MAF: variants seen among roughly 807,000 people sequenced by gnomAD.
MAF encodes the protein transcription factor Maf.
MAF carries 10 observed loss-of-function variants against 22.0 expected under a neutral mutation model. The ratio of observed to expected loss-of-function variants is 0.45; its 90% CI spans 0.28 to 0.77. MAF has a LOEUF of 0.77. MAF is among the 30% of genes least tolerant of loss of function. The pLI, the probability that MAF is intolerant of heterozygous loss-of-function variation, is 0.12. For synonymous variants in MAF, 337 were observed against 255.8 expected (o/e 1.32, Z -3.03); for missense variants, 544 against 548.4 (o/e 0.99, Z 0.08).
At chr16:79,484,257 T>G in the MAF span, among the ~76,000 whole-genome samples, 2 of 152,184 alleles carry the variant, frequency 1.3e-5, no homozygotes, top group South Asian at 4.1e-4. Context: ...TCCGTCTTCT[T>G]AGTCAACTGG....
the MAF span, among the ~76,000 whole-genome samples, chr16:79,456,721 A>G: frequency 6.6e-6 from 1 of 152,220 alleles, no homozygotes; most frequent in Non-Finnish European, 1.5e-5. Flanking sequence ...AGTTCTTCAC[A>G]CCCTAGAAAC....
the MAF span, among the ~76,000 whole-genome samples, chr16:79,368,136 G>C: frequency 2.5e-4 from 38 of 152,206 alleles, no homozygotes; most frequent in Admixed American, 9.2e-4. Flanking sequence ...TTTGGCTCCA[G>C]AATGGAGCAC....
At chr16:79,460,324 G>C in the MAF span, among the ~76,000 whole-genome samples, 1 of 152,124 alleles carries the variant, frequency 6.6e-6, no homozygotes, top group South Asian at 2.1e-4. Context: ...GTCTATAAAA[G>C]TGCTGAAGGA....
At chr16:79,425,735 T>C in the MAF span, among the ~76,000 whole-genome samples, 8 of 151,766 alleles carry the variant, frequency 5.3e-5, no homozygotes, top group Non-Finnish European at 7.4e-5. Context: ...CTGTGCTAGC[T>C]ACATTCCTAT....
chr16:79,343,610 G>A, the MAF span, among the ~76,000 whole-genome samples: 4 of 152,164 alleles, frequency 2.6e-5, no homozygotes, highest in Non-Finnish European at 5.9e-5. Context: ...TTAGAGACAT[G>A]CCTAAAGTGA....
the MAF span, among the ~76,000 whole-genome samples, chr16:79,402,835 T>C: frequency 1.3e-5 from 2 of 152,148 alleles, no homozygotes; most frequent in Non-Finnish European, 2.9e-5. Context: ...TGGGTGTCCA[T>C]GGGGGAAGTT....
At chr16:79,370,924 G>A in the MAF span, among the ~76,000 whole-genome samples, 2 of 151,902 alleles carry the variant, frequency 1.3e-5, no homozygotes, top group Non-Finnish European at 2.9e-5. Flanking sequence ...CATTTGTTCT[G>A]GGTGTTGTTG....
At chr16:79,327,152 A>C in the MAF span, among the ~76,000 whole-genome samples, 1 of 152,188 alleles carries the variant, frequency 6.6e-6, no homozygotes, top group Non-Finnish European at 1.5e-5. Flanking sequence ...TTTAAATTGT[A>C]AAAAGGTTTT....
the MAF span, among the ~76,000 whole-genome samples, chr16:79,341,609 C>T: frequency 6.6e-6 from 1 of 152,156 alleles, no homozygotes; most frequent in African/African-American, 2.4e-5. Context: ...TAGCACACTG[C>T]TGGTCATCAG....
At chr16:79,215,299 C>A in the MAF span, among the ~76,000 whole-genome samples, 1 of 152,100 alleles carries the variant, frequency 6.6e-6, no homozygotes, top group Non-Finnish European at 1.5e-5. Context: ...CCAGGCTAGT[C>A]TGGAACTCCT....
chr16:79,214,703 C>CTTTTTTT, the MAF span, among the ~76,000 whole-genome samples: 4 of 43,074 alleles, frequency 9.3e-5, no homozygotes, highest in Non-Finnish European at 1.6e-4. Flanking sequence ...CTGTGCCTGG[C>CTTTTTTT]TTTTTTTTTT....
At chr16:79,256,972 T>C in the MAF span, among the ~76,000 whole-genome samples, 1 of 151,602 alleles carries the variant, frequency 6.6e-6, no homozygotes, top group South Asian at 2.1e-4. Flanking sequence ...AAGTCAGGAG[T>C]TTGAGACCAG....
At chr16:79,525,163 T>C in the MAF span, among the ~76,000 whole-genome samples, 7 of 152,192 alleles carry the variant, frequency 4.6e-5, no homozygotes, top group Non-Finnish European at 8.8e-5. Context: ...CCGGATTTCA[T>C]CGCTCTTGCA....
the MAF span, among the ~76,000 whole-genome samples, chr16:79,402,893 G>C: frequency 2.0e-5 from 3 of 152,188 alleles, no homozygotes; most frequent in African/African-American, 7.2e-5. Flanking sequence ...CTTCAGCTGA[G>C]CCCAGAGATC....
the MAF span, among the ~76,000 whole-genome samples, chr16:79,536,356 A>C: frequency 6.6e-6 from 1 of 152,214 alleles, no homozygotes; most frequent in African/African-American, 2.4e-5. Flanking sequence ...ATTGAGAAAA[A>C]TTAGGGCTGG....
At chr16:79,537,590 C>T in the MAF span, among the ~76,000 whole-genome samples, 1 of 152,154 alleles carries the variant, frequency 6.6e-6, no homozygotes, top group South Asian at 2.1e-4. Context: ...GAATTCCGCT[C>T]TGTGGCTCTT....
At chr16:79,279,613 G>A in the MAF span, among the ~76,000 whole-genome samples, 1 of 152,106 alleles carries the variant, frequency 6.6e-6, no homozygotes, top group African/African-American at 2.4e-5. Flanking sequence ...CCTCACCCCT[G>A]CAAGTGGCTC....
chr16:79,596,506 A>ATT, intron 1 of MAF: 1 of 1,050,556 alleles, frequency 9.5e-7, no homozygotes. Flanking sequence ...TTATTATTGT[A>ATT]GATTATTCTT....
the MAF span, among the ~76,000 whole-genome samples, chr16:79,381,832 G>T: frequency 6.6e-6 from 1 of 152,136 alleles, no homozygotes; most frequent in East Asian, 1.9e-4. Context: ...TCCACAGAGT[G>T]GATATGCTGT....
Sources: gnomAD v4.1 joint callset for allele counts (sites outside exome capture counted in the v4.1 genomes callset) on GRCh38, gnomAD v4.1.1 for gene constraint, MANE v1.5 for transcripts, NCBI Gene and HGNC (gene_info 2026-07-23, HGNC 2026-07-21) for gene names.